Variants in TET1 observed in about 807,000 individuals in gnomAD.
TET1 encodes tet methylcytosine dioxygenase 1.
TET1 carries 13 observed loss-of-function variants against 148.7 expected under a neutral mutation model. The ratio of observed to expected loss-of-function variants is 0.09; its 90% confidence interval spans 0.06 to 0.14. The LOEUF is 0.14. Among genes scored for constraint, TET1 ranks in the 10% least tolerant of loss-of-function variants. The pLI, the probability that TET1 is intolerant of heterozygous loss-of-function variation, is 1.00. For synonymous variants in TET1, 907 were observed against 937.2 expected, an observed-to-expected ratio of 0.97 and a Z score of 0.59; for missense variants, 2,182 against 2,553.8, an observed-to-expected ratio of 0.85 and a Z score of 3.14.
intron 2 of TET1, 80 bp downstream of exon 2, chr10:68,574,332 T>C (rs2053704694): frequency 9.0e-7 from 1 of 1,109,694 alleles, no homozygotes; most frequent in Non-Finnish European, 1.3e-6. Flanking sequence ...CTAGTGTCTC[T>C]AGTGTCTCTA....
chr10:68,660,171 C>T (rs2055084844), intron 6 of TET1, among the ~76,000 whole-genome samples: 1 of 152,078 alleles, frequency 6.6e-6, no homozygotes. Flanking sequence ...TGACGAATCA[C>T]CCTATTCCCT....
intron 3 of TET1, among the ~76,000 whole-genome samples, chr10:68,637,951 T>C (rs1028291257): frequency 2.0e-5 from 3 of 152,172 alleles, no homozygotes; most frequent in African/African-American, 7.2e-5. Flanking sequence ...GGCTAATTTT[T>C]GTAGTTTTCG....
At chr10:68,617,977 A>G (rs1253890019) in intron 3 of TET1, among the ~76,000 whole-genome samples, 2 of 149,586 alleles carry the variant, frequency 1.3e-5, no homozygotes, top group Admixed American at 1.3e-4. Flanking sequence ...GCTGGTGTGC[A>G]GTAGTACAAT....
chr10:68,633,462 ACT>A (rs1448812037), intron 3 of TET1, among the ~76,000 whole-genome samples: 2 of 151,814 alleles, frequency 1.3e-5, no homozygotes, highest in Non-Finnish European at 1.5e-5. Context: ...TTCACTGCAA[ACT>A]CTGCCTCCCA....
chr10:68,663,227 G>A (rs1393344546), intron 6 of TET1, among the ~76,000 whole-genome samples: 2 of 152,150 alleles, frequency 1.3e-5, no homozygotes, highest in African/African-American at 2.4e-5. Context: ...TGAACAGACT[G>A]GGGGAGAGAT....
intron 2 of TET1, among the ~76,000 whole-genome samples, chr10:68,595,957 TATATACAC>T (rs1340495633): frequency 0.014 from 550 of 40,714 alleles, 3 homozygotes; most frequent in Non-Finnish European, 0.02. Context: ...TATATATATA[TATATACAC>T]ACACACACAC....
intron 7 of TET1, among the ~76,000 whole-genome samples, chr10:68,667,481 T>C (rs2055209842): frequency 6.6e-6 from 1 of 152,118 alleles, no homozygotes; most frequent in African/African-American, 2.4e-5. Flanking sequence ...TGTGACCAGG[T>C]GCAGTGGCTC....
chr10:68,691,463 T>G lies in TET1; in HGVS notation c.6060T>G (p.Ile2020Met). ...AIAPAHGSVL[I>M]ECARRELHAT... ...CACCTGCTCACGGCTCGGTTTTGATTGAGTGTGCCCGGCGAGAGCTGCACG... is the reference window on the plus strand; with the variant it reads ...CACCTGCTCACGGCTCGGTTTTGATGGAGTGTGCCCGGCGAGAGCTGCACG... The change falls in exon 12 of 12, where the codon ATT (isoleucine) becomes ATG (methionine). Residue 2020 changes from isoleucine (I) to methionine (M), a missense_variant. By Grantham distance (10) the Ile-to-Met change is conservative (BLOSUM62 1). Around this residue, in one of 11 missense-constraint regions of TET1, gnomAD observed 11 missense variants for 44.0 expected, o/e 0.25. Transcript: ENST00000373644. This position sits in a 1 kb window ranked among gnomAD's most constrained non-coding sequence, Gnocchi z 4.4. 1 of 1,614,098 alleles carries G rather than the reference T, an allele frequency of 6.2e-7. No homozygotes were observed. Among genetic ancestry groups the G allele is most frequent in the South Asian group, 1.1e-5 (1 of 91,082 alleles).
chr10:68,627,159 G>T (rs947273148), intron 3 of TET1, among the ~76,000 whole-genome samples: 2 of 151,508 alleles, frequency 1.3e-5, no homozygotes, highest in African/African-American at 4.9e-5. Context: ...TGTAATCCCA[G>T]CACTTTGGGA....
chr10:68,660,616 A>G (rs2133150019), intron 6 of TET1, among the ~76,000 whole-genome samples: 1 of 150,116 alleles, frequency 6.7e-6, no homozygotes, highest in East Asian at 2.0e-4. Flanking sequence ...TGCTGGGATT[A>G]CAGGTGTGCC....
intron 10 of TET1, among the ~76,000 whole-genome samples, chr10:68,683,518 T>A (rs1216860402): frequency 6.6e-6 from 1 of 152,060 alleles, no homozygotes; most frequent in Admixed American, 6.5e-5. Context: ...GACCTCGTGA[T>A]CCACCCACCT....
intron 6 of TET1, among the ~76,000 whole-genome samples, chr10:68,653,855 C>CT (rs1222797401): frequency 2.0e-5 from 3 of 152,094 alleles, no homozygotes; most frequent in Non-Finnish European, 4.4e-5. Context: ...GCCTGTAATC[C>CT]TAACACTTTG....
intron 3 of TET1, among the ~76,000 whole-genome samples, chr10:68,611,160 G>A (rs1054300600): frequency 3.3e-5 from 5 of 151,970 alleles, no homozygotes; most frequent in Non-Finnish European, 5.9e-5. Flanking sequence ...ACATGGTGGC[G>A]GGCACCTGTA....
chr10:68,651,294 CA>C (rs996651252), intron 4 of TET1, among the ~76,000 whole-genome samples: 5 of 148,402 alleles, frequency 3.4e-5, no homozygotes, highest in Non-Finnish European at 4.5e-5. Context: ...CTAAAAAATA[CA>C]AAAAAAAAAT....
intron 3 of TET1, among the ~76,000 whole-genome samples, chr10:68,616,474 G>A (rs2132947225): frequency 6.6e-6 from 1 of 152,240 alleles, no homozygotes; most frequent in Non-Finnish European, 1.5e-5. Flanking sequence ...CTTGGTTAAG[G>A]TGTATCTGCC....
chr10:68,596,015 C>T lies in TET1; in HGVS notation c.1915-4966C>T, dbSNP rs1318544612. Among the ~76,000 whole-genome samples, 105 of 107,886 alleles carry T rather than the reference C, an allele frequency of 9.7e-4. 1 individual carries two copies. The highest frequency in any genetic ancestry group is 4.0e-3 in the African/African-American group (102 of 25,738). The allele number at this position is 107,886 out of a possible 152,430, so 70.8% of individuals were successfully genotyped here. The stretch of plus-strand genomic sequence containing the variant: ...ACACACACACACACACACACACACA[C>T]ACACACACACACATATATATATATA... On this transcript the variant is annotated intron_variant, in intron 2 of 11. Transcript: ENST00000373644.
At chr10:68,667,750 A>C (rs1312982118) in intron 7 of TET1, among the ~76,000 whole-genome samples, 1 of 151,704 alleles carries the variant, frequency 6.6e-6, no homozygotes, top group African/African-American at 2.4e-5. Flanking sequence ...TCTCAAAAAA[A>C]AAAAACAAAA....
chr10:68,597,318 G>C (rs564108959), intron 2 of TET1, among the ~76,000 whole-genome samples: 1 of 152,228 alleles, frequency 6.6e-6, no homozygotes, highest in African/African-American at 2.4e-5. Context: ...ACAGGCGTGA[G>C]CTACCACGCC....
chr10:68,661,896 T>G (rs1353666596), intron 6 of TET1, among the ~76,000 whole-genome samples: 1 of 114,752 alleles, frequency 8.7e-6, no homozygotes, highest in Non-Finnish European at 1.9e-5. Context: ...TTTTTTTTTT[T>G]GTGAGATGGA....
Sources: allele counts gnomAD v4.1 joint callset (sites outside exome capture counted in the v4.1 genomes callset), GRCh38; gene constraint gnomAD v4.1.1; regional missense constraint gnomAD v4.1.1; non-coding constraint Gnocchi (gnomAD v3.1); transcripts MANE v1.5; gene names NCBI Gene and HGNC (gene_info 2026-07-23, HGNC 2026-07-21).